Variants in ADGRE3 observed in about 807,000 individuals in gnomAD.
ADGRE3 encodes EGF-like module receptor 3.
A neutral mutation model predicts 80.1 loss-of-function variants in ADGRE3; 88 were observed. The ratio of observed to expected loss-of-function variants is 1.10; its 90% confidence interval spans 0.93 to 1.31. The LOEUF is 1.31. Among genes scored for constraint, ADGRE3 ranks in the 40% most tolerant of loss-of-function variants. The pLI is 0.00. For synonymous variants in ADGRE3, 281 were observed against 294.8 expected (o/e 0.95, Z 0.48); for missense variants, 715 against 776.5 (o/e 0.92, Z 0.94).
At chr19:14,617,252 TTTCTTCCTTCCTTCC>T (rs2075080016), downstream of ADGRE3, among the ~76,000 whole-genome samples, 1 of 151,604 alleles carries the variant, frequency 6.6e-6, no homozygotes, top group African/African-American at 2.4e-5. Flanking sequence ...TTCTTTTTTC[TTTCTTCCTTCCTTCC>T]TTTCTTTTTC....
At chr19:14,636,126 CTTTCTTT>C (rs1971064075) in intron 11 of ADGRE3, among the ~76,000 whole-genome samples, 8 of 72,760 alleles carry the variant, frequency 1.1e-4, no homozygotes, top group African/African-American at 3.3e-4. Context: ...TTCTTTCTTT[CTTTCTTT>C]CTTTCTTTCT....
At position 14,651,224 on chromosome 19, in the gene ADGRE3, G is replaced by A; in HGVS notation, c.578-20C>T. The stretch of plus-strand genomic sequence containing the variant: ...CAATAGCTGGTAAGAAAAGCAATGG[G>A]CAGGCTTAGTGATATTGTAAGAAAC... On this transcript the variant is annotated intron_variant, in intron 6 of 15. Coordinates refer to ENST00000253673, the MANE Select transcript of ADGRE3 (RefSeq NM_032571.5). 3 of 1,613,778 alleles carry A rather than the reference G, an allele frequency of 1.9e-6. No homozygotes were observed. The highest frequency in any genetic ancestry group is 2.5e-6 in the Non-Finnish European group (3 of 1,179,748).
downstream of ADGRE3, among the ~76,000 whole-genome samples, chr19:14,617,541 G>A (rs1380504713): frequency 6.6e-6 from 1 of 151,292 alleles, no homozygotes; most frequent in African/African-American, 2.4e-5. Context: ...GGGATTACAG[G>A]CCCCTGCCAC....
intron 11 of ADGRE3, among the ~76,000 whole-genome samples, chr19:14,636,561 C>A (rs915796027): frequency 5.3e-5 from 8 of 151,974 alleles, no homozygotes; most frequent in Admixed American, 1.3e-4. Context: ...GAACAACACC[C>A]CAAACCCTCT....
At chr19:14,650,638 TCTCTCTCTCTCTCTCTCTCTCTCTC>T (rs1971573756) in intron 7 of ADGRE3, among the ~76,000 whole-genome samples, 39 of 86,520 alleles carry the variant, frequency 4.5e-4, no homozygotes, top group African/African-American at 2.1e-3. Context: ...CATCTCTCTC[TCTCTCTCTCTCTCTCTCTCTCTCTC>T]TCTCTCTCTC....
At chr19:14,646,885 C>T (rs1047706462) in intron 8 of ADGRE3, among the ~76,000 whole-genome samples, 2 of 151,940 alleles carry the variant, frequency 1.3e-5, no homozygotes, top group African/African-American at 4.8e-5. Flanking sequence ...ATCCTCTTGC[C>T]TCAGCCTCCC....
chr19:14,630,261 A>G, intron 13 of ADGRE3, 54 bp from the exon 14 acceptor site: 2 of 1,474,488 alleles, frequency 1.4e-6, no homozygotes, highest in South Asian at 1.3e-5. Flanking sequence ...ATGAGCATGA[A>G]CACCCCTCTA....
chr19:14,633,532 C>A (rs1970943165), intron 11 of ADGRE3, among the ~76,000 whole-genome samples: 1 of 151,688 alleles, frequency 6.6e-6, no homozygotes, highest in African/African-American at 2.4e-5. Flanking sequence ...TGGTGAAACC[C>A]CATCTCTACT....
In ADGRE3 at chr19:14,633,718, T is replaced by TAA. The variant is rs1568479546; in HGVS notation, c.1485-418_1485-417dup. On this transcript the variant is annotated intron_variant, in intron 11 of 15. Coordinates refer to ENST00000253673, the MANE Select transcript of ADGRE3 (RefSeq NM_032571.5). Reference sequence around the variant, plus strand: ...AGACTCCGTCTCAAAAAAAATAAAATAAAATAAAATAAAATAAAATAAAAT... The same window carrying TAA: ...AGACTCCGTCTCAAAAAAAATAAAATAAAAAATAAAATAAAATAAAATAAAAT... Among the ~76,000 whole-genome samples, 14 of 97,610 alleles carry TAA rather than the reference T, an allele frequency of 1.4e-4. No individual in the cohort carries two copies. The East Asian group carries it at 3.1e-3, about 22-fold the overall frequency. 64.0% of individuals were successfully genotyped at this position (97,610 alleles called of 152,430 possible). A position where few individuals can be genotyped will look rare whatever the true frequency, so the allele number is the denominator to read the frequency against.
At chr19:14,625,839 G>T (rs946945446) in intron 14 of ADGRE3, among the ~76,000 whole-genome samples, 2 of 152,110 alleles carry the variant, frequency 1.3e-5, no homozygotes, top group African/African-American at 4.8e-5. Flanking sequence ...GTCATGAAAA[G>T]GCACATACTG....
chr19:14,620,592 T>C (rs1970578938), intron 15 of ADGRE3, among the ~76,000 whole-genome samples: 1 of 59,394 alleles, frequency 1.7e-5, no homozygotes, highest in African/African-American at 6.3e-5. Context: ...TTTTTTTTTT[T>C]TTTTTGAGAC....
intron 7 of ADGRE3, 130 bp downstream of exon 7, chr19:14,650,955 G>A (rs979566416): frequency 1.0e-6 from 1 of 963,430 alleles, no homozygotes; most frequent in South Asian, 1.8e-5. Flanking sequence ...TTTTTAAAGG[G>A]AAAATCTCCA....
Position 14,640,655 on chromosome 19 carries a change from A to G in ADGRE3, c.1248+764T>C, listed in dbSNP as rs893329615. Reference sequence around the variant, plus strand: ...ACCAGAGGAATCTACAAAACCAATGATATGGTTTGGCTCTGTGTCCCCACC... The same window carrying G: ...ACCAGAGGAATCTACAAAACCAATGGTATGGTTTGGCTCTGTGTCCCCACC... On this transcript the variant is annotated intron_variant, in intron 10 of 15. Coordinates refer to ENST00000253673, the MANE Select transcript of ADGRE3 (RefSeq NM_032571.5). Among the ~76,000 whole-genome samples the G allele has an allele frequency of 2.7e-4, 41 of 151,890 alleles. 2 individuals carry two copies.
chr19:14,627,899 C>T (rs190480065), intron 14 of ADGRE3, among the ~76,000 whole-genome samples: 15,134 of 151,804 alleles, frequency 0.1, 907 homozygotes, highest in African/African-American at 0.16. Context: ...GAGGCTGAGG[C>T]AGGCAGATCA....
At chr19:14,641,911 T>C (rs1971262966) in intron 9 of ADGRE3, among the ~76,000 whole-genome samples, 1 of 152,210 alleles carries the variant, frequency 6.6e-6, no homozygotes. Flanking sequence ...TTCAGCTTTA[T>C]TGAGGTGTAT....
intron 15 of ADGRE3, among the ~76,000 whole-genome samples, chr19:14,620,537 T>TATATATATATATATAA (rs1415988959): frequency 5.4e-5 from 1 of 18,450 alleles, no homozygotes; most frequent in African/African-American, 3.1e-4. Context: ...TATATATATT[T>TATATATATATATATAA]TATATATATA....
At chr19:14,617,140 G>A (rs954609878), downstream of ADGRE3, among the ~76,000 whole-genome samples, 1 of 151,980 alleles carries the variant, frequency 6.6e-6, no homozygotes, top group African/African-American at 2.4e-5. Flanking sequence ...AGATAGAGTG[G>A]CTATTGCAGA....
Position 14,641,683 on chromosome 19 carries a change from C to G in ADGRE3, c.1051-67G>C, listed in dbSNP as rs185923483. Reference sequence around the variant, plus strand: ...CTGGGATTATGGCTCCCTCCTTGAACTGGGGCATCCTAGACACAGGCACCA... The same window carrying G: ...CTGGGATTATGGCTCCCTCCTTGAAGTGGGGCATCCTAGACACAGGCACCA... On this transcript the variant is annotated intron_variant, in intron 9 of 15. Coordinates refer to ENST00000253673, the MANE Select transcript of ADGRE3 (RefSeq NM_032571.5). The G allele has an allele frequency of 2.5e-5, 39 of 1,567,860 alleles. No homozygotes were observed. The East Asian group carries it at 8.5e-4, about 34-fold the overall frequency.
Position 14,651,221 on chromosome 19 carries a change from T to C in ADGRE3, c.578-17A>G, listed in dbSNP as rs377514467. On this transcript the variant is annotated splice_polypyrimidine_tract_variant and intron_variant, in intron 6 of 15. Coordinates refer to ENST00000253673, the MANE Select transcript of ADGRE3 (RefSeq NM_032571.5). ...TTTCAATAGCTGGTAAGAAAAGCAATGGGCAGGCTTAGTGATATTGTAAGA... is the reference window on the plus strand; with the variant it reads ...TTTCAATAGCTGGTAAGAAAAGCAACGGGCAGGCTTAGTGATATTGTAAGA... 19 of 1,613,880 alleles carry C rather than the reference T, an allele frequency of 1.2e-5. No individual in the cohort carries two copies. Among genetic ancestry groups the C allele is most frequent in the Non-Finnish European group, 1.6e-5 (19 of 1,179,806 alleles).
Sources: gnomAD v4.1 joint callset for allele counts (sites outside exome capture counted in the v4.1 genomes callset) on GRCh38, gnomAD v4.1.1 for gene constraint, MANE v1.5 for transcripts, NCBI Gene and HGNC (gene_info 2026-07-23, HGNC 2026-07-21) for gene names.